Variants in ELP4 observed in about 807,000 individuals in gnomAD.
ELP4 encodes elongator acetyltransferase complex subunit 4, also known as elongator complex protein 4.
A neutral mutation model predicts 48.9 loss-of-function variants in ELP4; 51 were observed. The observed-to-expected ratio is 1.04, with a 90% CI of 0.83 to 1.32. The LOEUF is 1.32. Ranked by LOEUF, ELP4 falls within the 40% of genes most tolerant of loss-of-function variation. The pLI is 0.00. For synonymous variants in ELP4, 210 were observed against 189.2 expected (o/e 1.11, Z -0.90); for missense variants, 519 against 514.6 (o/e 1.01, Z -0.08).
intron 2 of ELP4, among the ~76,000 whole-genome samples, chr11:31,529,340 G>A (rs1243079349): frequency 6.6e-6 from 1 of 152,030 alleles, no homozygotes; most frequent in Non-Finnish European, 1.5e-5. Context: ...CCACCTCCTG[G>A]CAGGCCCAAA....
chr11:31,626,163 A>G (rs895832041), intron 5 of ELP4, among the ~76,000 whole-genome samples: 1 of 151,858 alleles, frequency 6.6e-6, no homozygotes, highest in Non-Finnish European at 1.5e-5. Flanking sequence ...TATGTTTCCT[A>G]ACATTTTATA....
intron 9 of ELP4, among the ~76,000 whole-genome samples, chr11:31,738,138 G>A (rs1161884812): frequency 6.8e-6 from 1 of 147,074 alleles, no homozygotes; most frequent in Non-Finnish European, 1.5e-5. Flanking sequence ...GCTCAAGCCT[G>A]TAATTCCAGC....
chr11:31,538,658 T>C (rs1361713370), intron 2 of ELP4, among the ~76,000 whole-genome samples: 2 of 151,500 alleles, frequency 1.3e-5, no homozygotes, highest in African/African-American at 4.8e-5. Flanking sequence ...GGTTTTACAG[T>C]ATTTAAAACC....
intron 9 of ELP4, among the ~76,000 whole-genome samples, chr11:31,744,829 C>T (rs1209714815): frequency 1.3e-5 from 2 of 152,058 alleles, no homozygotes; most frequent in African/African-American, 2.4e-5. Context: ...AAAACTGGCA[C>T]AAGACAGGGA....
intron 9 of ELP4, among the ~76,000 whole-genome samples, chr11:31,765,773 G>A (rs1223714316): frequency 1.3e-5 from 2 of 151,958 alleles, no homozygotes; most frequent in African/African-American, 4.8e-5. Flanking sequence ...GAGCATTAGT[G>A]ATACCTCATA....
chr11:31,768,724 G>C (rs1267260045), intron 9 of ELP4, among the ~76,000 whole-genome samples: 3 of 152,140 alleles, frequency 2.0e-5, no homozygotes, highest in Non-Finnish European at 4.4e-5. Flanking sequence ...CAGGAAATCA[G>C]CCTGCTTCAA....
At chr11:31,510,205 GTGCCCTCGCTCTCTATTTCATTCCC>G (rs1460977847) in intron 1 of ELP4, among the ~76,000 whole-genome samples, 198 bp downstream of exon 1, 2 of 152,188 alleles carry the variant, frequency 1.3e-5, no homozygotes, top group Non-Finnish European at 2.9e-5. Context: ...ACATGTTTTA[GTGCCCTCGCTCTCTATTTCATTCCC>G]TGCCCTCCAA....
intron 1 of ELP4, among the ~76,000 whole-genome samples, chr11:31,515,033 G>A (rs7951279): frequency 0.027 from 3,574 of 133,756 alleles, 68 homozygotes; most frequent in East Asian, 0.11. Flanking sequence ...GTGTGTGTGT[G>A]TATATATATA....
chr11:31,703,720 G>A (rs1432284201), intron 9 of ELP4, among the ~76,000 whole-genome samples: 1 of 152,136 alleles, frequency 6.6e-6, no homozygotes, highest in Admixed American at 6.5e-5. Context: ...TCTTGTGGCA[G>A]TATTTCACAT....
intron 9 of ELP4, among the ~76,000 whole-genome samples, chr11:31,750,022 A>ATT (rs879322563): frequency 4.2e-5 from 6 of 142,842 alleles, no homozygotes; most frequent in East Asian, 2.0e-4. Flanking sequence ...TGCCCAGCTA[A>ATT]TTTTTTTTTT....
intron 9 of ELP4, among the ~76,000 whole-genome samples, chr11:31,746,469 C>G (rs1165434080): frequency 6.6e-6 from 1 of 152,178 alleles, no homozygotes; most frequent in Non-Finnish European, 1.5e-5. Context: ...TTCACAATAG[C>G]AAATACTTGG....
intron 2 of ELP4, among the ~76,000 whole-genome samples, chr11:31,528,805 GA>G (rs990996038): frequency 7.2e-5 from 11 of 152,074 alleles, no homozygotes; most frequent in Admixed American, 4.6e-4. Context: ...AGGTACTAGT[GA>G]AAAACCCAAG....
chr11:31,539,409 C>T (rs1395207163), intron 2 of ELP4, among the ~76,000 whole-genome samples: 3 of 152,120 alleles, frequency 2.0e-5, no homozygotes, highest in East Asian at 1.9e-4. Context: ...GCCGAGATTG[C>T]GCCACTGCAC....
intron 9 of ELP4, among the ~76,000 whole-genome samples, chr11:31,677,162 A>G (rs202132432): frequency 1.3e-5 from 2 of 152,316 alleles, no homozygotes; most frequent in East Asian, 3.9e-4. Flanking sequence ...TTCTAATTAA[A>G]CAGTTTCCAG....
At chr11:31,676,551 C>T (rs1285888243) in intron 9 of ELP4, among the ~76,000 whole-genome samples, 1 of 152,144 alleles carries the variant, frequency 6.6e-6, no homozygotes, top group African/African-American at 2.4e-5. Context: ...GTTTGTATGT[C>T]TCAGTTTCTC....
At chr11:31,592,907 A>C (rs939500073) in intron 3 of ELP4, among the ~76,000 whole-genome samples, 2 of 152,158 alleles carry the variant, frequency 1.3e-5, no homozygotes, top group Non-Finnish European at 2.9e-5. Flanking sequence ...ATTTCTTAGA[A>C]TTGGCCTATT....
intron 3 of ELP4, among the ~76,000 whole-genome samples, chr11:31,543,314 G>A (rs1164176026): frequency 6.6e-6 from 1 of 151,974 alleles, no homozygotes; most frequent in East Asian, 1.9e-4. Flanking sequence ...TGTTGTTGTT[G>A]TTTGTTTTTT....
At chr11:31,548,907 TGG>T (rs1956785406) in intron 3 of ELP4, among the ~76,000 whole-genome samples, 1 of 152,038 alleles carries the variant, frequency 6.6e-6, no homozygotes, top group East Asian at 1.9e-4. Context: ...ATTTAATAAA[TGG>T]TGCTGGGAAA....
intron 5 of ELP4, among the ~76,000 whole-genome samples, chr11:31,614,227 T>C (rs927358232): frequency 6.6e-6 from 1 of 152,160 alleles, no homozygotes; most frequent in African/African-American, 2.4e-5. Flanking sequence ...GCAATGAGTA[T>C]ATCTCATGCT....
Sources: gnomAD v4.1 joint callset for allele counts (sites outside exome capture counted in the v4.1 genomes callset) on GRCh38, gnomAD v4.1.1 for gene constraint, MANE v1.5 for transcripts, NCBI Gene and HGNC (gene_info 2026-07-23, HGNC 2026-07-21) for gene names.